NUGGC: variants seen among roughly 807,000 people sequenced by gnomAD.
The protein encoded by NUGGC is nuclear GTPase SLIP-GC.
A neutral mutation model predicts 92.6 loss-of-function variants in NUGGC; 58 were observed. The observed-to-expected ratio is 0.63, with a 90% CI of 0.51 to 0.78. The LOEUF (loss-of-function observed/expected upper bound fraction) is 0.78. Ranked by LOEUF, NUGGC falls within the 30% of genes least tolerant of loss-of-function variation. The pLI, the probability that NUGGC is intolerant of heterozygous loss-of-function variation, is 0.00. For missense variants in NUGGC, 925 were observed against 964.6 expected (o/e 0.96, Z 0.54); for synonymous variants, 376 against 366.4 (o/e 1.03, Z -0.30).
chr8:28,048,746 G>A (rs369770799), intron 10 of NUGGC, among the ~76,000 whole-genome samples: 3 of 151,508 alleles, frequency 2.0e-5, no homozygotes, highest in Non-Finnish European at 4.4e-5. Flanking sequence ...ACTTGTAGTC[G>A]CAGCTACTCG....
chr8:28,040,263 G>A (rs906445302), intron 13 of NUGGC, among the ~76,000 whole-genome samples: 6 of 152,134 alleles, frequency 3.9e-5, no homozygotes, highest in African/African-American at 1.4e-4. Context: ...TCATCCTTCA[G>A]AAACTCTATA....
chr8:28,051,211 A>C (rs1039601093), intron 10 of NUGGC, among the ~76,000 whole-genome samples: 2 of 152,212 alleles, frequency 1.3e-5, no homozygotes, highest in African/African-American at 4.8e-5. Flanking sequence ...AGGGAAAAAT[A>C]AAGTGAACCT....
chr8:28,033,490 A>T (rs1238593853), intron 14 of NUGGC, 50 bp downstream of exon 14: 1 of 1,562,070 alleles, frequency 6.4e-7, no homozygotes, highest in East Asian at 2.2e-5. Context: ...GACTGGCTCC[A>T]CATTCTTCCG....
chr8:28,050,959 T>C (rs572687685), intron 10 of NUGGC, among the ~76,000 whole-genome samples: 3 of 152,068 alleles, frequency 2.0e-5, no homozygotes, highest in East Asian at 1.9e-4. Context: ...CTTACTTGTA[T>C]GAAATAATTT....
At chr8:28,051,349 A>T (rs1012194231) in intron 10 of NUGGC, among the ~76,000 whole-genome samples, 6 of 152,218 alleles carry the variant, frequency 3.9e-5, no homozygotes, top group African/African-American at 9.7e-5. Context: ...AATGAACACA[A>T]TAGTTCTGTG....
At chr8:28,033,815 C>T (rs562186607) in intron 13 of NUGGC, 118 bp from the exon 14 acceptor site, 1 of 887,608 alleles carries the variant, frequency 1.1e-6, no homozygotes, top group East Asian at 2.6e-5. Context: ...GTAGAGACAA[C>T]ATGCTCTTTA....
chr8:28,064,724 T>C lies in NUGGC; in HGVS notation c.719A>G (p.Glu240Gly), dbSNP rs767520160. 1.5e-5 allele frequency: 25 copies of C among 1,613,752 alleles called. No homozygotes were observed. Among genetic ancestry groups the C allele is most frequent in the Non-Finnish European group, 2.0e-5 (24 of 1,179,826 alleles). ...GTAGGGGTCCAGCTTGATGGACAGC[T>C]CTTCTGCCTGAAGAAGGAGGACAGA... ...VITLKAEEAEELSIKLDPYIR... is the reference protein window; with the variant it reads ...VITLKAEEAEGLSIKLDPYIR... Residue 240 changes from glutamate to glycine, a missense_variant, in exon 7 of 19, where the codon GAG (glutamate) becomes GGG (glycine). Physicochemically the swap from Glu to Gly is moderately conservative, Grantham distance 98 (BLOSUM62 -2). Coordinates refer to ENST00000413272, the MANE Select transcript of NUGGC (RefSeq NM_001010906.2).
intron 18 of NUGGC, among the ~76,000 whole-genome samples, chr8:28,026,436 G>A (rs1035709753): frequency 6.6e-6 from 1 of 152,188 alleles, no homozygotes; most frequent in African/African-American, 2.4e-5. Context: ...CCACAGCTGG[G>A]GCCGCATCCC....
intron 14 of NUGGC, among the ~76,000 whole-genome samples, chr8:28,031,681 T>A (rs1809421722): frequency 6.6e-6 from 1 of 152,210 alleles, no homozygotes; most frequent in African/African-American, 2.4e-5. Context: ...GAACACTGCT[T>A]TAACTACAGG....
intron 13 of NUGGC, among the ~76,000 whole-genome samples, chr8:28,035,136 CA>C (rs1455879243): frequency 6.6e-6 from 1 of 152,192 alleles, no homozygotes; most frequent in Non-Finnish European, 1.5e-5. Flanking sequence ...CTGCTCACAG[CA>C]AACTCTCAAC....
rs148637434 is a variant in NUGGC at position 28,037,028 on chromosome 8, C to T, written c.1612-3331G>A. ...GTCTACAGACGGTATAATTACCCTG[C>T]TAACGCTGTACATACAGCTCGCTCA... On this transcript the variant is annotated intron_variant, in intron 13 of 18. Coordinates refer to ENST00000413272, the MANE Select transcript of NUGGC (RefSeq NM_001010906.2). Among the ~76,000 whole-genome samples the T allele has an allele frequency of 6.5e-4, 99 of 152,270 alleles. 1 individual carries two copies. The East Asian group carries it at 0.017, about 26-fold the overall frequency.
chr8:28,052,487 A>G (rs1479793781), intron 10 of NUGGC, among the ~76,000 whole-genome samples: 1 of 152,174 alleles, frequency 6.6e-6, no homozygotes, highest in Non-Finnish European at 1.5e-5. Flanking sequence ...CTTTAAAAAA[A>G]GGGGAAATTT....
intron 10 of NUGGC, among the ~76,000 whole-genome samples, chr8:28,050,200 A>G (rs935776820): frequency 6.6e-6 from 1 of 152,078 alleles, no homozygotes; most frequent in African/African-American, 2.4e-5. Context: ...AGCCTGATCA[A>G]CATGGAGAAA....
Position 28,045,675 on chromosome 8 carries a change from C to T in NUGGC, c.1313-15G>A. 1.9e-6 allele frequency: 3 copies of T among 1,606,262 alleles called. No homozygotes were observed. The highest frequency in any genetic ancestry group is 2.5e-6 in the Non-Finnish European group (3 of 1,177,814). On this transcript the variant is annotated splice_polypyrimidine_tract_variant and intron_variant, in intron 11 of 18. Coordinates refer to ENST00000413272, the MANE Select transcript of NUGGC (RefSeq NM_001010906.2). ...CTTAGGGATTTCTGGAATTCACAGGCAGCACAAATAATTGTTAAAGGCCAG... is the reference window on the plus strand; with the variant it reads ...CTTAGGGATTTCTGGAATTCACAGGTAGCACAAATAATTGTTAAAGGCCAG...
chr8:28,025,606 T>C (rs907387381), intron 18 of NUGGC, among the ~76,000 whole-genome samples: 2 of 148,680 alleles, frequency 1.3e-5, no homozygotes, highest in Non-Finnish European at 3.0e-5. Flanking sequence ...TACATTATAG[T>C]GTGAGGGTGT....
In NUGGC at chr8:28,049,810, G is replaced by A. The variant is rs200147124; in HGVS notation, c.1207-2198C>T. On this transcript the variant is annotated intron_variant, in intron 10 of 18. Coordinates refer to ENST00000413272, the MANE Select transcript of NUGGC (RefSeq NM_001010906.2). ...AAGCTCAAACCAGAAGGGAGGCTAG[G>A]TGTGGTGGCTCACACCTGTAATCCC... Among the ~76,000 whole-genome samples, 20 of 152,352 alleles carry A rather than the reference G, an allele frequency of 1.3e-4. No homozygotes were observed. In the East Asian group the frequency reaches 3.9e-3, roughly 29 times the overall value.
At chr8:28,031,755 A>T (rs911629837) in intron 14 of NUGGC, among the ~76,000 whole-genome samples, 2 of 152,218 alleles carry the variant, frequency 1.3e-5, no homozygotes, top group African/African-American at 4.8e-5. Flanking sequence ...ACTATACCTA[A>T]AAGTTGGGTA....
chr8:28,082,100 A>C (rs1465748592), intron 1 of NUGGC, among the ~76,000 whole-genome samples: 1 of 152,344 alleles, frequency 6.6e-6, no homozygotes, highest in South Asian at 2.1e-4. Context: ...CTGCTCTTCC[A>C]AACTAGGGAT....
intron 1 of NUGGC, among the ~76,000 whole-genome samples, chr8:28,082,638 C>T (rs555090882): frequency 2.0e-5 from 3 of 152,348 alleles, no homozygotes; most frequent in Admixed American, 1.3e-4. Flanking sequence ...CATGGTGGCT[C>T]ATGCCTGTAA....
Sources: gnomAD v4.1 joint callset for allele counts (sites outside exome capture counted in the v4.1 genomes callset) on GRCh38, gnomAD v4.1.1 for gene constraint, MANE v1.5 for transcripts, NCBI Gene and HGNC (gene_info 2026-07-23, HGNC 2026-07-21) for gene names.